FAR2: variants seen among roughly 807,000 people sequenced by gnomAD.
The protein encoded by FAR2 is epididymis secretory protein Li 81.
Under a neutral mutation model 56.0 loss-of-function variants are expected in FAR2, and 19 were observed. That is an observed-to-expected ratio of 0.34 (90% CI 0.24 to 0.50). The LOEUF is 0.50. Among genes scored for constraint, FAR2 ranks in the 20% least tolerant of loss-of-function variants. The pLI, the probability that FAR2 is intolerant of heterozygous loss-of-function variation, is 0.98. For missense variants in FAR2, 508 were observed against 642.2 expected (o/e 0.79, Z 2.26); for synonymous variants, 219 against 218.8 (o/e 1.00, Z -0.01).
At chr12:29,181,158 A>G (rs1363903938) in intron 1 of FAR2, among the ~76,000 whole-genome samples, 3 of 152,210 alleles carry the variant, frequency 2.0e-5, no homozygotes, top group African/African-American at 7.2e-5. Flanking sequence ...TCTTGTAACA[A>G]TTGAGAAACA....
At chr12:29,323,899 ATGACTT>A (rs1197894660) in intron 10 of FAR2, among the ~76,000 whole-genome samples, 4 of 152,224 alleles carry the variant, frequency 2.6e-5, no homozygotes, top group African/African-American at 9.6e-5. Context: ...TGGACAGAGA[ATGACTT>A]TGACGAGTTG....
chr12:29,285,971 G>T (rs1948868455), intron 2 of FAR2, among the ~76,000 whole-genome samples: 2 of 151,930 alleles, frequency 1.3e-5, no homozygotes, highest in Admixed American at 1.3e-4. Flanking sequence ...CAAGCCATGA[G>T]GTTCAACATG....
rs1378924547 is a variant in FAR2, at chr12:29,201,313, G to A, written c.-39+51906G>A. ...GTTTGTTTTAAACACAATTCTTATA[G>A]ACATCTACTGCCCTTTACATACGTG... On this transcript the variant is annotated intron_variant, in intron 1 of 11. Transcript: ENST00000536681. 2.0e-5 allele frequency among the ~76,000 whole-genome samples: 3 copies of A among 152,060 alleles called. No homozygotes were observed. The East Asian group carries it at 5.8e-4, about 29-fold the overall frequency.
chr12:29,309,261 GA>G, intron 6 of FAR2, 31 bp downstream of exon 6: 2 of 1,526,044 alleles, frequency 1.3e-6, no homozygotes. Flanking sequence ...ATAACTCCCT[GA>G]AATGTAGTAG....
intron 1 of FAR2, among the ~76,000 whole-genome samples, chr12:29,254,108 G>T (rs1948277212): frequency 6.6e-6 from 1 of 152,152 alleles, no homozygotes; most frequent in Non-Finnish European, 1.5e-5. Flanking sequence ...TGACTATGGA[G>T]TATTGCTAAT....
At chr12:29,220,860 A>C (rs769659724) in intron 1 of FAR2, among the ~76,000 whole-genome samples, 3 of 152,182 alleles carry the variant, frequency 2.0e-5, no homozygotes, top group Admixed American at 6.5e-5. Flanking sequence ...AGGGCCAAGC[A>C]GGCGACGTGA....
At chr12:29,221,023 T>G (rs1591863012) in intron 1 of FAR2, among the ~76,000 whole-genome samples, 1 of 152,052 alleles carries the variant, frequency 6.6e-6, no homozygotes, top group African/African-American at 2.4e-5. Flanking sequence ...ACTGGCGCAG[T>G]GTGTTTACTG....
chr12:29,271,426 A>T (rs11050165), intron 2 of FAR2, among the ~76,000 whole-genome samples: 1 of 152,160 alleles, frequency 6.6e-6, no homozygotes, highest in Admixed American at 6.5e-5. Context: ...AACTAATTTC[A>T]TAGGAACTAA....
chr12:29,240,841 C>T (rs181780360), intron 1 of FAR2, among the ~76,000 whole-genome samples: 2 of 151,692 alleles, frequency 1.3e-5, no homozygotes, highest in African/African-American at 2.4e-5. Context: ...AGTCTCATTC[C>T]ATCACCCAGG....
At chr12:29,149,606 C>T (rs183579769) in intron 1 of FAR2, among the ~76,000 whole-genome samples, 199 bp downstream of exon 1, 100 of 152,254 alleles carry the variant, frequency 6.6e-4, no homozygotes, top group Non-Finnish European at 1.3e-3. Context: ...CCTGAAGCTG[C>T]CCCCGGCTGC....
intron 2 of FAR2, chr12:29,277,652 C>G (rs1305246229): frequency 1.3e-5 from 2 of 152,072 alleles, no homozygotes; most frequent in Non-Finnish European, 2.9e-5. Flanking sequence ...AATTATCTGC[C>G]GGAAAAGGAC....
chr12:29,208,611 A>T (rs1947504467), intron 1 of FAR2, among the ~76,000 whole-genome samples: 1 of 152,162 alleles, frequency 6.6e-6, no homozygotes, highest in Admixed American at 6.5e-5. Context: ...GGTATCAGGA[A>T]GTGTTTATTA....
chr12:29,241,888 C>T (rs1310525018), intron 1 of FAR2, among the ~76,000 whole-genome samples: 5 of 152,198 alleles, frequency 3.3e-5, no homozygotes, highest in African/African-American at 4.8e-5. Flanking sequence ...CCCCTGGGTG[C>T]GTGCATCGAA....
chr12:29,202,059 AAG>A (rs1341222754), intron 1 of FAR2, among the ~76,000 whole-genome samples: 3 of 152,276 alleles, frequency 2.0e-5, no homozygotes, highest in Admixed American at 6.5e-5. Context: ...AATTTTTAAA[AAG>A]AGGTAATTAA....
At chr12:29,167,686 A>G (rs1289897236) in intron 1 of FAR2, among the ~76,000 whole-genome samples, 1 of 152,200 alleles carries the variant, frequency 6.6e-6, no homozygotes, top group Non-Finnish European at 1.5e-5. Flanking sequence ...TGATTAAGTA[A>G]TGCCTCCACG....
intron 1 of FAR2, among the ~76,000 whole-genome samples, chr12:29,189,359 G>T (rs1479940287): frequency 6.6e-6 from 1 of 152,204 alleles, no homozygotes; most frequent in East Asian, 1.9e-4. Flanking sequence ...GCTCTTTCAG[G>T]TTGGCTCCTA....
intron 1 of FAR2, among the ~76,000 whole-genome samples, chr12:29,254,087 T>C (rs1372565800): frequency 6.6e-6 from 1 of 152,196 alleles, no homozygotes; most frequent in Non-Finnish European, 1.5e-5. Flanking sequence ...CATTTCCAAA[T>C]TGGTTTTTCT....
chr12:29,323,726 C>T (rs1280184946), intron 10 of FAR2, among the ~76,000 whole-genome samples: 1 of 152,062 alleles, frequency 6.6e-6, no homozygotes, highest in African/African-American at 2.4e-5. Context: ...GAAAGGACAT[C>T]CACACCAAAA....
chr12:29,255,500 A>T (rs1313489457), intron 1 of FAR2, among the ~76,000 whole-genome samples: 1 of 152,232 alleles, frequency 6.6e-6, no homozygotes, highest in South Asian at 2.1e-4. Flanking sequence ...CCACACTTTT[A>T]AAAATAACTT....
Sources: allele counts gnomAD v4.1 joint callset (sites outside exome capture counted in the v4.1 genomes callset), GRCh38; gene constraint gnomAD v4.1.1; transcripts MANE v1.5; gene names NCBI Gene and HGNC (gene_info 2026-07-23, HGNC 2026-07-21).